Variants in NEBL observed in about 807,000 individuals in gnomAD.
NEBL encodes LIM and SH3 protein 2.
A neutral mutation model predicts 140.2 loss-of-function variants in NEBL; 122 were observed. The ratio of observed to expected loss-of-function variants is 0.87; its 90% CI spans 0.75 to 1.01. The LOEUF is 1.01. Among genes scored for constraint, NEBL ranks in the 50% least tolerant of loss-of-function variants. The pLI, the probability that NEBL is intolerant of heterozygous loss-of-function variation, is 0.00. For synonymous variants in NEBL, 436 were observed against 398.9 expected, an observed-to-expected ratio of 1.09 and a Z score of -1.11; for missense variants, 1,365 against 1,231.3, an observed-to-expected ratio of 1.11 and a Z score of -1.62.
At chr10:20,817,082 C>T (rs1171153957) in intron 21 of NEBL, among the ~76,000 whole-genome samples, 3 of 152,002 alleles carry the variant, frequency 2.0e-5, no homozygotes, top group East Asian at 1.9e-4. Context: ...TACACAACAA[C>T]CTGTCAAAAA....
At position 20,982,167 on chromosome 10, in the gene NEBL, A is replaced by G. The variant is rs536045504; in HGVS notation, c.250-20388T>C. Among the ~76,000 whole-genome samples, 58 of 152,306 alleles carry G rather than the reference A, an allele frequency of 3.8e-4. No individual in the cohort carries two copies. The South Asian group carries it at 0.011, about 29-fold the overall frequency. On this transcript the variant is annotated intron_variant, in intron 3 of 6. Transcript: ENST00000417816. ...GAAAATCCTAAACAGCGGGTACTCAAAAATCATTTGCATATGGTTTAGGAA... is the reference window on the plus strand; with the variant it reads ...GAAAATCCTAAACAGCGGGTACTCAGAAATCATTTGCATATGGTTTAGGAA...
At chr10:20,824,715 G>C (rs1438359527) in intron 18 of NEBL, among the ~76,000 whole-genome samples, 1 of 152,106 alleles carries the variant, frequency 6.6e-6, no homozygotes, top group Non-Finnish European at 1.5e-5. Flanking sequence ...GAGAAGAAAT[G>C]ATATACTGTA....
intron 2 of NEBL, chr10:21,112,762 A>AAAAAGC (rs1838088465): frequency 2.5e-5 from 4 of 160,288 alleles, no homozygotes; most frequent in African/African-American, 9.8e-5. Flanking sequence ...AAAGAAAAAG[A>AAAAAGC]AAAAAATTGA....
Position 20,945,008 on chromosome 10 carries a change from C to A in NEBL, c.357+16664G>T, listed in dbSNP as rs1028548189. 2.0e-5 allele frequency among the ~76,000 whole-genome samples: 3 copies of A among 152,218 alleles called. No individual in the cohort carries two copies. The South Asian group carries it at 6.2e-4, about 32-fold the overall frequency. On this transcript the variant is annotated intron_variant, in intron 4 of 6. Coordinates refer to the NEBL transcript ENST00000417816. ...CTCTCAATATTTAAACAAACAATAA[C>A]CCTGAAATGTAGGGTTATTTCCTTA... is the stretch of plus-strand genomic sequence containing the variant.
At chr10:21,145,174 C>T (rs925501450) in intron 2 of NEBL, among the ~76,000 whole-genome samples, 1 of 152,174 alleles carries the variant, frequency 6.6e-6, no homozygotes, top group African/African-American at 2.4e-5. Flanking sequence ...TATTCTCTTA[C>T]ATTTTGTCTG....
intron 26 of NEBL, among the ~76,000 whole-genome samples, chr10:20,798,619 A>T (rs1309596434): frequency 1.3e-5 from 2 of 152,208 alleles, no homozygotes; most frequent in Non-Finnish European, 1.5e-5. Context: ...GTCACTTTAC[A>T]GTTTATGAAG....
intron 2 of NEBL, among the ~76,000 whole-genome samples, chr10:21,056,175 A>C (rs1835016921): frequency 6.6e-6 from 1 of 152,240 alleles, no homozygotes; most frequent in South Asian, 2.1e-4. Context: ...TTTTGCCATC[A>C]TGAAGCTATT....
intron 13 of NEBL, among the ~76,000 whole-genome samples, chr10:20,840,110 T>C (rs530384405): frequency 3.3e-5 from 5 of 152,244 alleles, no homozygotes; most frequent in African/African-American, 1.2e-4. Flanking sequence ...ATCGCTATCA[T>C]CATCATCATT....
intron 13 of NEBL, among the ~76,000 whole-genome samples, chr10:20,836,761 C>T (rs2130942695): frequency 6.6e-6 from 1 of 152,188 alleles, no homozygotes; most frequent in Admixed American, 6.5e-5. Flanking sequence ...CCCTGTTTCC[C>T]CCTTTTCTTC....
chr10:21,179,038 C>A (rs908340296), upstream of NEBL, among the ~76,000 whole-genome samples: 5 of 152,114 alleles, frequency 3.3e-5, no homozygotes, highest in African/African-American at 4.8e-5. Context: ...AATGTTGAGA[C>A]GAAGAGATTA....
At chr10:21,129,701 C>T (rs1839009611) in intron 2 of NEBL, among the ~76,000 whole-genome samples, 1 of 151,470 alleles carries the variant, frequency 6.6e-6, no homozygotes, top group African/African-American at 2.4e-5. Flanking sequence ...TATTGCAAAC[C>T]TCAGGGCAAC....
chr10:21,182,334 G>C (rs1032026218), intron 3 of NEBL, among the ~76,000 whole-genome samples: 1 of 152,054 alleles, frequency 6.6e-6, no homozygotes, highest in African/African-American at 2.4e-5. Flanking sequence ...TAACTAACTA[G>C]GTGTGGCGGT....
In NEBL at chr10:21,134,838, CT is replaced by C. The variant is rs371568465; in HGVS notation, c.164+37544del. Among the ~76,000 whole-genome samples the C allele has an allele frequency of 3.6e-3, 547 of 152,344 alleles. 3 individuals are homozygous for C. The highest frequency in any genetic ancestry group is 0.01 in the Middle Eastern group (3 of 294). On this transcript the variant is annotated intron_variant, in intron 2 of 6. Transcript: ENST00000417816. ...TCTGTAAGAACATTGTTCTCTTCCCCTGGAAGGTACGCTACTCTGCAATGCT... is the reference window on the plus strand; with the variant it reads ...TCTGTAAGAACATTGTTCTCTTCCCCGGAAGGTACGCTACTCTGCAATGCT...
chr10:20,864,023 T>A lies in NEBL; in HGVS notation c.685-4197A>T, dbSNP rs186270561. Among the ~76,000 whole-genome samples the A allele has an allele frequency of 1.8e-3, 275 of 152,294 alleles. 2 individuals are homozygous for A. Among genetic ancestry groups the A allele is most frequent in the African/African-American group, 6.3e-3 (264 of 41,580 alleles). On this transcript the variant is annotated intron_variant, in intron 7 of 27. Coordinates refer to ENST00000377122, the MANE Select transcript of NEBL (RefSeq NM_006393.3). ...GCCACTGCTTACTACTAAATTTTCA[T>A]GGCAATTTATAATGTGATTTTTAGG... is the stretch of plus-strand genomic sequence containing the variant.
chr10:21,182,587 G>A (rs1328322966), intron 3 of NEBL, among the ~76,000 whole-genome samples: 1 of 152,124 alleles, frequency 6.6e-6, no homozygotes, highest in Non-Finnish European at 1.5e-5. Context: ...AAAGAAGAAA[G>A]CCATGATGTC....
chr10:21,179,308 C>A (rs1184514995), upstream of NEBL, among the ~76,000 whole-genome samples: 1 of 152,260 alleles, frequency 6.6e-6, no homozygotes, highest in African/African-American at 2.4e-5. Context: ...CCATAGATAA[C>A]AACTTGGACA....
intron 1 of NEBL, among the ~76,000 whole-genome samples, chr10:21,276,668 T>C (rs1332788449): frequency 2.0e-5 from 3 of 151,812 alleles, no homozygotes; most frequent in Non-Finnish European, 4.4e-5. Flanking sequence ...TCTACAAAAA[T>C]ATACAAAAAT....
At chr10:21,279,758 A>AG (rs199531821) in intron 1 of NEBL, among the ~76,000 whole-genome samples, 4 of 24,042 alleles carry the variant, frequency 1.7e-4, no homozygotes, top group African/African-American at 3.5e-4. Flanking sequence ...AATCCATATA[A>AG]AAAAAAAAAA....
intron 4 of NEBL, among the ~76,000 whole-genome samples, chr10:20,939,654 G>C (rs887592983): frequency 1.3e-5 from 2 of 152,142 alleles, no homozygotes; most frequent in Admixed American, 6.5e-5. Flanking sequence ...TGGATAAAGA[G>C]TCAAGACCCA....
Sources: allele counts gnomAD v4.1 joint callset (sites outside exome capture counted in the v4.1 genomes callset), GRCh38; gene constraint gnomAD v4.1.1; transcripts MANE v1.5; gene names NCBI Gene and HGNC (gene_info 2026-07-23, HGNC 2026-07-21).